Variants in UPP2 observed in about 807,000 individuals in gnomAD.
UPP2 encodes the protein UPase 2.
In UPP2, 23 loss-of-function variants were observed where a neutral mutation model predicts 26.7. The ratio of observed to expected loss-of-function variants is 0.86; its 90% confidence interval spans 0.62 to 1.22. The LOEUF is 1.22. UPP2 is among the 50% of genes most tolerant of loss of function. The pLI is 0.00. For missense variants in UPP2, 387 were observed against 396.7 expected, an observed-to-expected ratio of 0.98 and a Z score of 0.21; for synonymous variants, 127 against 141.3, an observed-to-expected ratio of 0.90 and a Z score of 0.72.
intron 2 of UPP2, among the ~76,000 whole-genome samples, chr2:157,999,122 A>G (rs1052286132): frequency 1.3e-4 from 19 of 151,728 alleles, no homozygotes; most frequent in Non-Finnish European, 2.6e-4. Flanking sequence ...TTTTCATCTC[A>G]CATATTGTAT....
chr2:158,088,955 T>C (rs1682862018), intron 3 of UPP2, among the ~76,000 whole-genome samples: 1 of 152,190 alleles, frequency 6.6e-6, no homozygotes, highest in African/African-American at 2.4e-5. Flanking sequence ...TTCATGTTGG[T>C]TGGCCTCCAG....
chr2:158,131,541 G>A (rs143970388), intron 6 of UPP2, among the ~76,000 whole-genome samples: 1 of 152,158 alleles, frequency 6.6e-6, no homozygotes, highest in African/African-American at 2.4e-5. Context: ...TTTCAAAGCA[G>A]CCATAAATGT....
intron 4 of UPP2, among the ~76,000 whole-genome samples, chr2:158,119,385 A>G (rs369882560): frequency 6.6e-6 from 1 of 152,030 alleles, no homozygotes; most frequent in African/African-American, 2.4e-5. Context: ...TTGAAGTTTT[A>G]TCCTCATTAA....
At position 158,132,056 on chromosome 2, in the gene UPP2, G is replaced by A. The variant is rs7561784; in HGVS notation, c.812-2692G>A. On this transcript the variant is annotated intron_variant, in intron 6 of 6. Coordinates refer to ENST00000005756, the MANE Select transcript of UPP2 (RefSeq NM_173355.4). ...AGAAGGACTTTCAACTTTTCTGTGC[G>A]ACTGCCAGCCCATGTCAGGCTTCAC... Among the ~76,000 whole-genome samples, 451 of 152,274 alleles carry A rather than the reference G, an allele frequency of 3.0e-3. 3 individuals are homozygous for A. Among genetic ancestry groups the A allele is most frequent in the African/African-American group, 0.01 (422 of 41,556 alleles).
chr2:158,006,050 AC>A (rs1683482051), intron 2 of UPP2, among the ~76,000 whole-genome samples: 1 of 152,146 alleles, frequency 6.6e-6, no homozygotes, highest in Admixed American at 6.5e-5. Context: ...ATTCCCCTTT[AC>A]CCAAGTCTGG....
At chr2:158,115,867 A>G (rs529837569) in intron 3 of UPP2, among the ~76,000 whole-genome samples, 1 of 152,254 alleles carries the variant, frequency 6.6e-6, no homozygotes, top group South Asian at 2.1e-4. Flanking sequence ...TAGGCATCCC[A>G]TTTGCCTTCC....
At chr2:158,061,140 C>A (rs1341176628) in intron 3 of UPP2, among the ~76,000 whole-genome samples, 2 of 152,190 alleles carry the variant, frequency 1.3e-5, no homozygotes, top group African/African-American at 4.8e-5. Context: ...GGGCCACAAC[C>A]CCAGTCAGAT....
chr2:158,065,477 C>A (rs767232836), intron 3 of UPP2: 19 of 305,890 alleles, frequency 6.2e-5, no homozygotes, highest in Non-Finnish European at 9.0e-5. Context: ...AGTTTCTTTG[C>A]ATCATTTCTG....
At chr2:158,087,720 C>T (rs1197639521) in intron 3 of UPP2, among the ~76,000 whole-genome samples, 3 of 152,048 alleles carry the variant, frequency 2.0e-5, no homozygotes, top group Non-Finnish European at 4.4e-5. Flanking sequence ...CTTTGTTTGC[C>T]TGAAAAAGAC....
At chr2:158,051,157 ATGTGTGTG>A (rs57745839) in intron 3 of UPP2, among the ~76,000 whole-genome samples, 2,552 of 145,052 alleles carry the variant, frequency 0.018, 49 homozygotes, top group African/African-American at 0.05. Flanking sequence ...CTCTAGGAAT[ATGTGTGTG>A]TGTGTGTGTG....
At chr2:158,054,384 G>GT (rs1553465716) in intron 3 of UPP2, among the ~76,000 whole-genome samples, 8 of 65,132 alleles carry the variant, frequency 1.2e-4, no homozygotes, top group South Asian at 3.8e-4. Flanking sequence ...GTTATTTTGA[G>GT]GTTTTTTTTT....
chr2:158,017,839 A>G (rs1044058341), intron 3 of UPP2, among the ~76,000 whole-genome samples: 2 of 152,238 alleles, frequency 1.3e-5, no homozygotes, highest in African/African-American at 4.8e-5. Context: ...ACTCTTGTAC[A>G]TTTTTCAATG....
chr2:158,121,432 A>G lies in UPP2; in HGVS notation c.478A>G (p.Ile160Val). Residue 160 changes from isoleucine (I) to valine (V), a missense_variant, in exon 5 of 7, where the codon ATA becomes GTA. Physicochemically the swap from Ile to Val is conservative, Grantham distance 29 (BLOSUM62 3). Coordinates refer to ENST00000005756, the MANE Select transcript of UPP2 (RefSeq NM_173355.4). ...AGGGATTGCACCAGGGACTGTTGTAATAACGGATATAGCTGTAGACTCCTT... is the reference window on the plus strand; with the variant it reads ...AGGGATTGCACCAGGGACTGTTGTAGTAACGGATATAGCTGTAGACTCCTT... ...GIGIAPGTVV[I>V]TDIAVDSFFK... 1.2e-6 allele frequency: 2 copies of G among 1,613,184 alleles called. No individual in the cohort carries two copies. Among genetic ancestry groups the G allele is most frequent in the Non-Finnish European group, 1.7e-6 (2 of 1,179,176 alleles).
At chr2:158,011,483 A>G (rs186857658) in intron 2 of UPP2, among the ~76,000 whole-genome samples, 289 of 152,258 alleles carry the variant, frequency 1.9e-3, no homozygotes, top group Non-Finnish European at 3.0e-3. Flanking sequence ...GTTTTGAAAA[A>G]AAGCTAGGGA....
At chr2:158,094,091 T>C (rs1347837677) in intron 3 of UPP2, among the ~76,000 whole-genome samples, 1 of 151,762 alleles carries the variant, frequency 6.6e-6, no homozygotes, top group Non-Finnish European at 1.5e-5. Flanking sequence ...CATGTAGTTA[T>C]TAAGTACATA....
chr2:158,092,470 C>T (rs1026388351), intron 3 of UPP2, among the ~76,000 whole-genome samples: 1 of 152,092 alleles, frequency 6.6e-6, no homozygotes, highest in Non-Finnish European at 1.5e-5. Context: ...AAATCACTGG[C>T]AATCTGGAAT....
rs114630857 is a variant in UPP2 at position 158,034,218 on chromosome 2, T to A, written c.147+18332T>A. Among the ~76,000 whole-genome samples, 977 of 152,296 alleles carry A rather than the reference T, an allele frequency of 6.4e-3. 11 individuals carry two copies. Among genetic ancestry groups the A allele is most frequent in the African/African-American group, 0.022 (902 of 41,566 alleles). On this transcript the variant is annotated intron_variant, in intron 3 of 9. Coordinates refer to the UPP2 transcript ENST00000605860. ...TTCCTTCCTGCATGCATTTTTACCATCAGGGTGCTTGTTCTTGAAGCTGCC... is the reference window on the plus strand; with the variant it reads ...TTCCTTCCTGCATGCATTTTTACCAACAGGGTGCTTGTTCTTGAAGCTGCC...
intron 3 of UPP2, among the ~76,000 whole-genome samples, chr2:158,089,947 C>T (rs1012837270): frequency 6.6e-6 from 1 of 152,112 alleles, no homozygotes; most frequent in Non-Finnish European, 1.5e-5. Context: ...AGCAAAAGTT[C>T]ATGATGTTAG....
Position 158,102,093 on chromosome 2 carries a change from G to T in UPP2, c.30G>T (p.Arg10Ser), listed in dbSNP as rs6710480. Residue 10 changes from arginine to serine, a missense_variant, in exon 1 of 7, where the codon AGG becomes AGT. Coordinates refer to ENST00000005756, the MANE Select transcript of UPP2 (RefSeq NM_173355.4). ...CTTCAGTTATACCTGCCTCCAATAG[G>T]TCCATGAGATCTGACAGGAATACAT... MASVIPASN[R>S]SMRSDRNTYV... 79,587 of 1,612,398 alleles carry T rather than the reference G, an allele frequency of 0.049. 6,056 individuals are homozygous for T. Among genetic ancestry groups the T allele is most frequent in the African/African-American group, 0.33 (24,750 of 74,704 alleles).
Sources: gnomAD v4.1 joint callset for allele counts (sites outside exome capture counted in the v4.1 genomes callset) on GRCh38, gnomAD v4.1.1 for gene constraint, MANE v1.5 for transcripts, NCBI Gene and HGNC (gene_info 2026-07-23, HGNC 2026-07-21) for gene names.